RHOBTB1: variants seen among roughly 807,000 people sequenced by gnomAD.
RHOBTB1 encodes rho-related BTB domain-containing protein 1.
Under a neutral mutation model 71.6 loss-of-function variants are expected in RHOBTB1, and 40 were observed. That is an observed-to-expected ratio of 0.56 (90% CI 0.43 to 0.73). RHOBTB1 has a LOEUF of 0.73. Among genes scored for constraint, RHOBTB1 ranks in the 30% least tolerant of loss-of-function variants. RHOBTB1 has a pLI of 0.00. For missense variants in RHOBTB1, 797 were observed against 894.0 expected, an observed-to-expected ratio of 0.89 and a Z score of 1.38; for synonymous variants, 319 against 334.9, an observed-to-expected ratio of 0.95 and a Z score of 0.52.
chr10:60,890,360 C>A (rs2081857159), intron 5 of RHOBTB1, among the ~76,000 whole-genome samples: 2 of 152,068 alleles, frequency 1.3e-5, no homozygotes, highest in Non-Finnish European at 2.9e-5. Context: ...CATAACACAA[C>A]TATGACCTGG....
At chr10:60,999,924 G>T (rs2087198696) in intron 1 of RHOBTB1, among the ~76,000 whole-genome samples, 1 of 152,152 alleles carries the variant, frequency 6.6e-6, no homozygotes, top group South Asian at 2.1e-4. Flanking sequence ...CTTTATGGGA[G>T]AAATTTTATT....
chr10:60,911,954 A>G (rs2082996741), intron 2 of RHOBTB1, among the ~76,000 whole-genome samples: 1 of 152,148 alleles, frequency 6.6e-6, no homozygotes, highest in Non-Finnish European at 1.5e-5. Flanking sequence ...AACATTGGGC[A>G]ATAGGTAGCC....
At position 60,998,238 on chromosome 10, in the gene RHOBTB1, C is replaced by T. The variant is rs367619145; in HGVS notation, c.-163+3161G>A. Among the ~76,000 whole-genome samples the T allele has an allele frequency of 1.2e-3, 176 of 152,184 alleles. 1 individual carries two copies. The highest frequency in any genetic ancestry group is 2.9e-3 in the African/African-American group (119 of 41,524). ...TCAATGATGCTTCATTTAGGCTTTCCCAAGGAAGGGACAATATATTAGCCA... is the reference window on the plus strand; with the variant it reads ...TCAATGATGCTTCATTTAGGCTTTCTCAAGGAAGGGACAATATATTAGCCA... On this transcript the variant is annotated intron_variant, in intron 1 of 11. Coordinates refer to the RHOBTB1 transcript ENST00000357917.
intron 2 of RHOBTB1, among the ~76,000 whole-genome samples, chr10:60,914,978 A>T (rs1315288021): frequency 1.3e-5 from 2 of 152,216 alleles, no homozygotes; most frequent in Non-Finnish European, 2.9e-5. Flanking sequence ...CTTGCTCCAG[A>T]TGTGGAATTT....
chr10:60,991,622 G>A (rs1487031736), intron 1 of RHOBTB1, among the ~76,000 whole-genome samples: 3 of 151,814 alleles, frequency 2.0e-5, no homozygotes, highest in Non-Finnish European at 4.4e-5. Flanking sequence ...TAGTAGAGAC[G>A]GGGTTTCACC....
intron 2 of RHOBTB1, among the ~76,000 whole-genome samples, chr10:60,922,892 C>T (rs2133778910): frequency 6.6e-6 from 1 of 152,310 alleles, no homozygotes; most frequent in African/African-American, 2.4e-5. Context: ...AAGAAGGAGT[C>T]AGGTGAGGGG....
chr10:60,992,118 G>A (rs191862995), intron 1 of RHOBTB1, among the ~76,000 whole-genome samples: 60 of 152,166 alleles, frequency 3.9e-4, no homozygotes, highest in African/African-American at 1.4e-3. Flanking sequence ...TCCAACTCAG[G>A]ATTTTTAAAT....
At chr10:60,916,702 T>C (rs1184787496) in intron 2 of RHOBTB1, among the ~76,000 whole-genome samples, 6 of 152,190 alleles carry the variant, frequency 3.9e-5, no homozygotes, top group Non-Finnish European at 7.3e-5. Context: ...TGCAGAATAA[T>C]AGCCTCCCTG....
At chr10:60,895,218 T>C (rs997173120) in intron 4 of RHOBTB1, among the ~76,000 whole-genome samples, 2 of 152,076 alleles carry the variant, frequency 1.3e-5, no homozygotes, top group East Asian at 3.9e-4. Context: ...CTCAAAATAA[T>C]GATAGTTAAA....
chr10:60,973,973 T>C (rs2086241568), intron 2 of RHOBTB1, among the ~76,000 whole-genome samples: 1 of 152,058 alleles, frequency 6.6e-6, no homozygotes, highest in Non-Finnish European at 1.5e-5. Flanking sequence ...AATGACCTTA[T>C]TAAACTAAAT....
chr10:60,863,733 G>A, the RHOBTB1 span, among the ~76,000 whole-genome samples: 290 of 152,068 alleles, frequency 1.9e-3, no homozygotes, highest in African/African-American at 6.7e-3. Flanking sequence ...GAGTTTCACC[G>A]TGTTGGCCAG....
At chr10:60,879,789 T>G (rs2081227162) in intron 7 of RHOBTB1, among the ~76,000 whole-genome samples, 1 of 152,106 alleles carries the variant, frequency 6.6e-6, no homozygotes, top group South Asian at 2.1e-4. Context: ...TCCATACACA[T>G]GCACTTGCAC....
chr10:60,952,313 A>G (rs1237406625), intron 2 of RHOBTB1, among the ~76,000 whole-genome samples: 1 of 152,198 alleles, frequency 6.6e-6, no homozygotes, highest in Admixed American at 6.5e-5. Context: ...AGTGTCATAA[A>G]CAAGTATGGG....
downstream of RHOBTB1, among the ~76,000 whole-genome samples, chr10:60,866,811 A>G (rs1212787553): frequency 6.7e-6 from 1 of 148,290 alleles, no homozygotes; most frequent in African/African-American, 2.6e-5. Flanking sequence ...TATTTACTTT[A>G]CCATAGCTCC....
Position 60,892,829 on chromosome 10 carries a change from C to A in RHOBTB1, c.463G>T (p.Ala155Ser). Residue 155 changes from alanine (A) to serine (S), a missense_variant, in exon 5 of 11, where the codon GCC becomes TCC. Transcript: ENST00000337910. ...RYADLEAVNRARRPLARPIKR... is the reference protein window; with the variant it reads ...RYADLEAVNRSRRPLARPIKR... Reference sequence around the variant, plus strand: ...GCTTACCTTGCTAACGGGCGCCTGGCTCGATTAACAGCTTCCAGGTCGGCA... The same window carrying A: ...GCTTACCTTGCTAACGGGCGCCTGGATCGATTAACAGCTTCCAGGTCGGCA... 1 of 1,612,808 alleles carries A rather than the reference C, an allele frequency of 6.2e-7. No individual in the cohort carries two copies. The highest frequency in any genetic ancestry group is 8.5e-7 in the Non-Finnish European group (1 of 1,179,568).
chr10:60,958,426 TA>T (rs2085667015), intron 2 of RHOBTB1, among the ~76,000 whole-genome samples: 1 of 152,170 alleles, frequency 6.6e-6, no homozygotes, highest in African/African-American at 2.4e-5. Context: ...GTTAAAATTT[TA>T]CTTTTTTATT....
intron 1 of RHOBTB1, among the ~76,000 whole-genome samples, chr10:60,988,877 C>A (rs553903300): frequency 7.0e-4 from 107 of 152,174 alleles, no homozygotes; most frequent in Non-Finnish European, 1.3e-3. Context: ...TAATTGTACC[C>A]TTCCTATGAA....
intron 2 of RHOBTB1, among the ~76,000 whole-genome samples, chr10:60,973,462 T>G (rs1386802285): frequency 2.0e-5 from 3 of 152,104 alleles, no homozygotes; most frequent in African/African-American, 7.2e-5. Flanking sequence ...TTGTTGTTGT[T>G]TTTAATTAGC....
intron 2 of RHOBTB1, among the ~76,000 whole-genome samples, chr10:60,963,836 A>G (rs2085866161): frequency 6.6e-6 from 1 of 152,186 alleles, no homozygotes; most frequent in African/African-American, 2.4e-5. Context: ...TACCAACGAT[A>G]GCATCTAATA....
Sources: gnomAD v4.1 joint callset for allele counts (sites outside exome capture counted in the v4.1 genomes callset) on GRCh38, gnomAD v4.1.1 for gene constraint, MANE v1.5 for transcripts, NCBI Gene and HGNC (gene_info 2026-07-23, HGNC 2026-07-21) for gene names.